The following RIN2 variants were observed in gnomAD, a reference collection of about 807,000 sequenced individuals.
RIN2 encodes RAB5 interacting protein 2.
RIN2 carries 36 observed loss-of-function variants against 78.0 expected under a neutral mutation model. The ratio of observed to expected loss-of-function variants is 0.46; its 90% CI spans 0.35 to 0.61. RIN2 has a LOEUF of 0.61. RIN2 is among the 20% of genes least tolerant of loss of function. The pLI is 0.00. For missense variants in RIN2, 1,087 were observed against 1,159.7 expected, an observed-to-expected ratio of 0.94 and a Z score of 0.91; for synonymous variants, 466 against 466.8, an observed-to-expected ratio of 1.00 and a Z score of 0.02.
intron 2 of RIN2, among the ~76,000 whole-genome samples, chr20:19,863,313 G>A (rs184959353): frequency 8.5e-5 from 13 of 152,188 alleles, no homozygotes; most frequent in African/African-American, 2.4e-4. Context: ...GATGTTGTGC[G>A]TTACATGAAA....
chr20:19,853,887 G>A (rs1222745277), intron 2 of RIN2, among the ~76,000 whole-genome samples: 15 of 152,188 alleles, frequency 9.9e-5, no homozygotes, highest in Admixed American at 9.2e-4. Flanking sequence ...AGTTTAATTA[G>A]ATCCCATTTG....
chr20:19,838,595 C>G (rs928136768), intron 2 of RIN2, among the ~76,000 whole-genome samples: 3 of 152,176 alleles, frequency 2.0e-5, no homozygotes, highest in Non-Finnish European at 4.4e-5. Context: ...GCTGTAGCCA[C>G]TCCCTTTATC....
chr20:19,788,450 C>CAAAAAAAAAAA (rs908072671), intron 1 of RIN2, among the ~76,000 whole-genome samples: 2 of 103,496 alleles, frequency 1.9e-5, no homozygotes, highest in Admixed American at 8.7e-5. Flanking sequence ...AAAAAAAAAA[C>CAAAAAAAAAAA]AACTAGCTAG....
chr20:19,812,143 A>G (rs2122814769), intron 2 of RIN2, among the ~76,000 whole-genome samples: 1 of 151,880 alleles, frequency 6.6e-6, no homozygotes, highest in Non-Finnish European at 1.5e-5. Context: ...ACTGTTTTTA[A>G]TTTTATTGTT....
intron 1 of RIN2, among the ~76,000 whole-genome samples, chr20:19,794,711 A>G (rs2034998947): frequency 6.6e-6 from 1 of 152,144 alleles, no homozygotes; most frequent in South Asian, 2.1e-4. Flanking sequence ...CATTTTCTTC[A>G]ACCTGTTATT....
intron 2 of RIN2, among the ~76,000 whole-genome samples, chr20:19,876,278 T>C (rs1394593382): frequency 1.3e-5 from 2 of 152,240 alleles, no homozygotes; most frequent in Non-Finnish European, 2.9e-5. Flanking sequence ...CTGAAAGATC[T>C]GACTTCTATC....
intron 3 of RIN2, among the ~76,000 whole-genome samples, chr20:19,913,585 T>C (rs536189358): frequency 4.7e-4 from 72 of 152,320 alleles, no homozygotes; most frequent in African/African-American, 1.7e-3. Context: ...TAATTCCCCA[T>C]TCCTCCTTTT....
intron 9 of RIN2, among the ~76,000 whole-genome samples, chr20:19,983,315 A>G (rs2042518703): frequency 6.6e-6 from 1 of 152,198 alleles, no homozygotes; most frequent in Non-Finnish European, 1.5e-5. Context: ...AATAGAAGTT[A>G]CCTGGTTTGC....
intron 3 of RIN2, among the ~76,000 whole-genome samples, chr20:19,933,949 C>G (rs1307518556): frequency 6.6e-6 from 1 of 152,142 alleles, no homozygotes; most frequent in African/African-American, 2.4e-5. Flanking sequence ...GCTGGGACTA[C>G]AGGCACGCAC....
At chr20:19,817,577 G>A (rs1206367710) in intron 2 of RIN2, among the ~76,000 whole-genome samples, 1 of 152,178 alleles carries the variant, frequency 6.6e-6, no homozygotes, top group African/African-American at 2.4e-5. Context: ...GAAAGTGGTT[G>A]ACTCTAAGGA....
intron 12 of RIN2, among the ~76,000 whole-genome samples, chr20:19,998,082 G>A (rs556093495): frequency 2.0e-5 from 3 of 151,376 alleles, no homozygotes; most frequent in African/African-American, 4.9e-5. Flanking sequence ...AGGTTCAAAC[G>A]ATTCTCCTGC....
At chr20:19,933,196 TA>T (rs1018603759) in intron 3 of RIN2, among the ~76,000 whole-genome samples, 15 of 152,168 alleles carry the variant, frequency 9.9e-5, no homozygotes, top group Non-Finnish European at 2.2e-4. Context: ...AAAACAGATG[TA>T]AAATGGCTTT....
intron 4 of RIN2, among the ~76,000 whole-genome samples, chr20:19,954,950 A>G (rs2041474434): frequency 1.3e-5 from 2 of 152,176 alleles, no homozygotes; most frequent in South Asian, 4.1e-4. Flanking sequence ...TTTGGTCATT[A>G]AGACGTAATT....
intron 2 of RIN2, among the ~76,000 whole-genome samples, chr20:19,843,750 G>A (rs997721889): frequency 5.9e-5 from 9 of 152,058 alleles, no homozygotes; most frequent in African/African-American, 1.7e-4. Context: ...CAGCATGCGC[G>A]AATATCAACT....
chr20:19,797,450 CTAGT>C (rs775247424), intron 1 of RIN2, among the ~76,000 whole-genome samples: 3 of 152,080 alleles, frequency 2.0e-5, no homozygotes, highest in Non-Finnish European at 4.4e-5. Flanking sequence ...CCATTTACAC[CTAGT>C]TATTTTATTT....
At chr20:19,829,667 C>T (rs2036195215) in intron 2 of RIN2, among the ~76,000 whole-genome samples, 2 of 152,110 alleles carry the variant, frequency 1.3e-5, no homozygotes, top group Admixed American at 1.3e-4. Context: ...GAACAGAGTT[C>T]CCAAAGTCAA....
intron 9 of RIN2, among the ~76,000 whole-genome samples, chr20:19,986,079 A>C (rs2042612422): frequency 1.3e-5 from 2 of 152,258 alleles, no homozygotes; most frequent in South Asian, 4.1e-4. Flanking sequence ...TAATGCAAAA[A>C]GAGATCATAG....
intron 12 of RIN2, among the ~76,000 whole-genome samples, chr20:19,999,015 G>T (rs1400089949): frequency 6.6e-6 from 1 of 152,160 alleles, no homozygotes; most frequent in Non-Finnish European, 1.5e-5. Context: ...CCTTCTCAGA[G>T]TGTAACCGAA....
intron 6 of RIN2, among the ~76,000 whole-genome samples, chr20:19,963,080 T>G (rs2746386): frequency 0.058 from 8,857 of 152,246 alleles, 853 homozygotes; most frequent in African/African-American, 0.2. Context: ...AAAAATTTCA[T>G]CTCCCCCCAC....
Sources: gnomAD v4.1 joint callset for allele counts (sites outside exome capture counted in the v4.1 genomes callset) on GRCh38, gnomAD v4.1.1 for gene constraint, MANE v1.5 for transcripts, NCBI Gene and HGNC (gene_info 2026-07-23, HGNC 2026-07-21) for gene names.